Variants in SEMA3E observed in about 807,000 individuals in gnomAD.
SEMA3E encodes the protein semaphorin 3E.
SEMA3E carries 49 observed loss-of-function variants against 93.6 expected under a neutral mutation model. That is an observed-to-expected ratio of 0.52 (90% CI 0.42 to 0.66). The LOEUF (loss-of-function observed/expected upper bound fraction) is 0.66, where lower values mean the gene tolerates loss of function less well. SEMA3E is among the 30% of genes least tolerant of loss of function. The pLI is 0.00. For missense variants in SEMA3E, 906 were observed against 964.8 expected (o/e 0.94, Z 0.81); for synonymous variants, 363 against 330.7 (o/e 1.10, Z -1.06).
chr7:83,475,891 T>C (rs1456472558), intron 2 of SEMA3E, among the ~76,000 whole-genome samples: 2 of 152,204 alleles, frequency 1.3e-5, no homozygotes, highest in African/African-American at 4.8e-5. Context: ...GCTGTAAGAA[T>C]AACAAAACTA....
At chr7:83,451,740 A>G (rs1204570032) in intron 4 of SEMA3E, among the ~76,000 whole-genome samples, 1 of 152,236 alleles carries the variant, frequency 6.6e-6, no homozygotes, top group Non-Finnish European at 1.5e-5. Context: ...ATGTGGGTCC[A>G]TTGAAAATCA....
intron 16 of SEMA3E, among the ~76,000 whole-genome samples, chr7:83,378,659 T>C (rs1787710019): frequency 6.6e-6 from 1 of 151,932 alleles, no homozygotes; most frequent in African/African-American, 2.4e-5. Flanking sequence ...GTTCAAAGAA[T>C]ATTGTTTAAT....
At chr7:83,606,617 T>G (rs2115564185) in intron 1 of SEMA3E, among the ~76,000 whole-genome samples, 2 of 114,182 alleles carry the variant, frequency 1.8e-5, no homozygotes, top group South Asian at 3.3e-4. Flanking sequence ...TGTGGTGGGG[T>G]CGGGGGAGGG....
At chr7:83,523,798 A>G (rs562524979) in intron 1 of SEMA3E, among the ~76,000 whole-genome samples, 11 of 152,130 alleles carry the variant, frequency 7.2e-5, no homozygotes, top group Admixed American at 1.3e-4. Flanking sequence ...ATTACAGTAA[A>G]TAATATACAC....
At chr7:83,624,148 A>C (rs1363076922) in intron 1 of SEMA3E, among the ~76,000 whole-genome samples, 2 of 152,126 alleles carry the variant, frequency 1.3e-5, no homozygotes, top group African/African-American at 2.4e-5. Flanking sequence ...TGTTAGTTCC[A>C]AGTCTTTGCT....
intron 2 of SEMA3E, among the ~76,000 whole-genome samples, chr7:83,478,203 G>A (rs1479754886): frequency 3.3e-5 from 5 of 152,254 alleles, no homozygotes; most frequent in Admixed American, 6.5e-5. Context: ...AATTACAGGC[G>A]TGAGCCACCG....
At chr7:83,555,560 T>G (rs975169288) in intron 1 of SEMA3E, among the ~76,000 whole-genome samples, 1 of 152,152 alleles carries the variant, frequency 6.6e-6, no homozygotes, top group Admixed American at 6.5e-5. Context: ...TTTCCATGTC[T>G]ACAATGAGGC....
chr7:83,632,471 G>A (rs1793806414), intron 1 of SEMA3E, among the ~76,000 whole-genome samples: 1 of 152,102 alleles, frequency 6.6e-6, no homozygotes, highest in South Asian at 2.1e-4. Flanking sequence ...TTGTGATAGT[G>A]AATAAGTCTC....
chr7:83,427,377 G>T (rs1461988819), intron 4 of SEMA3E, among the ~76,000 whole-genome samples: 2 of 152,134 alleles, frequency 1.3e-5, no homozygotes, highest in East Asian at 3.9e-4. Flanking sequence ...TTTCCCTTGT[G>T]AAGCTACACA....
chr7:83,399,922 T>G, intron 11 of SEMA3E, 106 bp downstream of exon 11: 1 of 928,296 alleles, frequency 1.1e-6, no homozygotes, highest in Non-Finnish European at 1.8e-6. Flanking sequence ...GTGAAATTGT[T>G]TAACAGATGG....
intron 1 of SEMA3E, among the ~76,000 whole-genome samples, chr7:83,560,088 C>A (rs957254701): frequency 1.3e-5 from 2 of 151,960 alleles, no homozygotes; most frequent in Admixed American, 1.3e-4. Context: ...AATAAATGGA[C>A]AAAAGAGGAC....
chr7:83,430,858 A>G (rs1788866805), intron 4 of SEMA3E, among the ~76,000 whole-genome samples: 1 of 152,172 alleles, frequency 6.6e-6, no homozygotes, highest in Admixed American at 6.5e-5. Flanking sequence ...AATGAAAGAA[A>G]AAATTGATGT....
intron 4 of SEMA3E, among the ~76,000 whole-genome samples, chr7:83,436,372 G>T (rs1789005730): frequency 6.6e-6 from 1 of 151,224 alleles, no homozygotes; most frequent in South Asian, 2.1e-4. Flanking sequence ...TAAGAATCAA[G>T]ATTTTTTATA....
At chr7:83,387,992 T>C (rs1222638342) in intron 14 of SEMA3E, among the ~76,000 whole-genome samples, 1 of 146,998 alleles carries the variant, frequency 6.8e-6, no homozygotes, top group Non-Finnish European at 1.5e-5. Flanking sequence ...ATATATTATG[T>C]ATATAATATA....
rs1349406507 is a variant in SEMA3E at position 83,466,505 on chromosome 7, T to C, written c.433A>G (p.Ile145Val). The C allele has an allele frequency of 4.3e-6, 7 of 1,613,870 alleles. No individual in the cohort carries two copies. Among genetic ancestry groups the C allele is most frequent in the African/African-American group, 1.3e-5 (1 of 74,900 alleles). The change falls in exon 4 of 17, where the codon ATC becomes GTC. Residue 145 changes from isoleucine to valine, a missense_variant. Coordinates refer to ENST00000643230, the MANE Select transcript of SEMA3E (RefSeq NM_012431.3). ...ACCTCCAAATGATATCCAACTCTGATGAAGGCACAAACTGGATCAAAAGCT... is the reference window on the plus strand; with the variant it reads ...ACCTCCAAATGATATCCAACTCTGACGAAGGCACAAACTGGATCAAAAGCT... Reference protein sequence around the residue: ...TGAFDPVCAFIRVGYHLEDPL... With the variant: ...TGAFDPVCAFVRVGYHLEDPL...
chr7:83,544,809 C>G (rs1054801286), intron 1 of SEMA3E, among the ~76,000 whole-genome samples: 1 of 151,754 alleles, frequency 6.6e-6, no homozygotes, highest in African/African-American at 2.4e-5. Context: ...TCCATCTCAT[C>G]TAGGTGGGAC....
chr7:83,542,602 A>T (rs549408851), intron 1 of SEMA3E, among the ~76,000 whole-genome samples: 7 of 152,294 alleles, frequency 4.6e-5, no homozygotes, highest in African/African-American at 1.4e-4. Flanking sequence ...CCATAAAAAA[A>T]AAACTGACCT....
intron 8 of SEMA3E, among the ~76,000 whole-genome samples, 160 bp downstream of exon 8, chr7:83,405,785 C>T (rs1396282123): frequency 6.6e-6 from 1 of 151,952 alleles, no homozygotes; most frequent in Non-Finnish European, 1.5e-5. Flanking sequence ...TCCCTTTTCC[C>T]CCAGCATGCG....
chr7:83,546,320 G>GT, intron 1 of SEMA3E, among the ~76,000 whole-genome samples: 1 of 88,460 alleles, frequency 1.1e-5, no homozygotes, highest in Non-Finnish European at 2.2e-5. Flanking sequence ...TTATAATAAG[G>GT]GGTGTGTGTG....
Sources: allele counts gnomAD v4.1 joint callset (sites outside exome capture counted in the v4.1 genomes callset), GRCh38; gene constraint gnomAD v4.1.1; transcripts MANE v1.5; gene names NCBI Gene and HGNC (gene_info 2026-07-23, HGNC 2026-07-21).